Variants in TOX3 observed in about 807,000 individuals in gnomAD.
TOX3 encodes the protein TOX high mobility group box family member 3.
A neutral mutation model predicts 64.3 loss-of-function variants in TOX3; 22 were observed. That is an observed-to-expected ratio of 0.34 (90% CI 0.24 to 0.49). TOX3 has a LOEUF of 0.49. Among genes scored for constraint, TOX3 ranks in the 20% least tolerant of loss-of-function variants. The pLI, the probability that TOX3 is intolerant of heterozygous loss-of-function variation, is 0.99. For missense variants in TOX3, 661 were observed against 714.4 expected (o/e 0.93, Z 0.85); for synonymous variants, 291 against 273.6 (o/e 1.06, Z -0.63).
At chr16:52,503,608 T>C (rs1327658170) in intron 1 of TOX3, among the ~76,000 whole-genome samples, 2 of 152,166 alleles carry the variant, frequency 1.3e-5, no homozygotes, top group Non-Finnish European at 2.9e-5. Context: ...TTTTTAATGC[T>C]TTACAAAAAG....
intron 2 of TOX3, 99 bp downstream of exon 2, chr16:52,468,410 G>C: frequency 9.1e-7 from 1 of 1,099,336 alleles, no homozygotes; most frequent in Non-Finnish European, 1.3e-6. Context: ...TGCCACATAA[G>C]AGAGAGATAA....
intron 1 of TOX3, among the ~76,000 whole-genome samples, chr16:52,508,143 T>A (rs1017912385): frequency 2.0e-5 from 3 of 152,078 alleles, no homozygotes; most frequent in Non-Finnish European, 2.9e-5. Flanking sequence ...AATTGGAGAG[T>A]CAATTAAACA....
intron 1 of TOX3, chr16:52,519,436 T>C: frequency 6.4e-7 from 1 of 1,551,458 alleles, no homozygotes; most frequent in Non-Finnish European, 8.7e-7. Context: ...GGTAATGAAG[T>C]CTCTCCTCAA....
rs568502427 is a variant in TOX3 at position 52,453,384 on chromosome 16, A to AT, written c.409-2839dup. The stretch of plus-strand genomic sequence containing the variant: ...TTTTTAGTAGAGACGGGGTTTCACC[A>AT]TGTTGGTCAGGCTTGTCTCGAACTC... On this transcript the variant is annotated intron_variant, in intron 3 of 6. Transcript: ENST00000219746. Among the ~76,000 whole-genome samples the AT allele has an allele frequency of 9.0e-3, 1,376 of 152,108 alleles. 30 individuals carry two copies. Among genetic ancestry groups the AT allele is most frequent in the African/African-American group, 0.031 (1,303 of 41,486 alleles).
chr16:52,455,414 A>G (rs555541912), intron 3 of TOX3, among the ~76,000 whole-genome samples: 3 of 152,304 alleles, frequency 2.0e-5, no homozygotes, highest in Admixed American at 6.5e-5. Flanking sequence ...GTATACAGAC[A>G]TTAGCAAATG....
intron 1 of TOX3, among the ~76,000 whole-genome samples, chr16:52,513,635 C>T (rs1304759658): frequency 6.6e-6 from 1 of 152,096 alleles, no homozygotes; most frequent in Non-Finnish European, 1.5e-5. Flanking sequence ...GTGTTGCTCC[C>T]CCTTGAGATC....
chr16:52,524,629 G>A (rs770171897), intron 1 of TOX3, among the ~76,000 whole-genome samples: 4 of 152,032 alleles, frequency 2.6e-5, no homozygotes, highest in Non-Finnish European at 4.4e-5. Context: ...ACAAGAACAC[G>A]GCCACTCCTC....
At chr16:52,524,073 C>G in intron 1 of TOX3, among the ~76,000 whole-genome samples, 1 of 152,140 alleles carries the variant, frequency 6.6e-6, no homozygotes, top group East Asian at 1.9e-4. Flanking sequence ...TCTGCATTTA[C>G]TTAGTGACTG....
In TOX3 at chr16:52,455,787, A is replaced by G. The variant is rs572328617; in HGVS notation, c.409-5241T>C. ...GGTCTGAAGTGGGAGAGATCTTGAC[A>G]TGCTTGAGAAATGAAAAGGTGGACA... On this transcript the variant is annotated intron_variant, in intron 3 of 6. Transcript: ENST00000219746. 3.2e-4 allele frequency among the ~76,000 whole-genome samples: 48 copies of G among 152,314 alleles called. No homozygotes were observed. The South Asian group carries it at 8.7e-3, about 28-fold the overall frequency.
intron 1 of TOX3, among the ~76,000 whole-genome samples, chr16:52,485,144 T>C (rs979114206): frequency 4.6e-5 from 5 of 108,814 alleles, no homozygotes; most frequent in Admixed American, 1.8e-4. Context: ...TATGTGTGTA[T>C]ATGTGTGTGT....
chr16:52,439,600 T>C lies in TOX3; in HGVS notation c.1356A>G (p.Gln452=), dbSNP rs965617635. 2.5e-6 allele frequency: 4 copies of C among 1,598,998 alleles called. No individual in the cohort carries two copies. Among genetic ancestry groups the C allele is most frequent in the Non-Finnish European group, 3.4e-6 (4 of 1,169,120 alleles). Residue 452 remains glutamine (Q), a synonymous_variant, in exon 7 of 7, where the codon CAA becomes CAG. Coordinates refer to ENST00000219746, the MANE Select transcript of TOX3 (RefSeq NM_001080430.4). ...QMQLQQQQQQ[Q]QQQMQQMQQQ... ...GCTGCATCTGTTGCATCTGTTGTTGTTGCTGCTGCTGCTGCTGCTGCAATT... is the reference window on the plus strand; with the variant it reads ...GCTGCATCTGTTGCATCTGTTGTTGCTGCTGCTGCTGCTGCTGCTGCAATT...
intron 1 of TOX3, among the ~76,000 whole-genome samples, chr16:52,507,047 T>C (rs371579973): frequency 3.2e-4 from 48 of 152,306 alleles, no homozygotes; most frequent in African/African-American, 1.1e-3. Flanking sequence ...AGAGTTCACA[T>C]GTAATGTTAA....
chr16:52,479,457 C>T (rs1961308416), intron 1 of TOX3, among the ~76,000 whole-genome samples: 1 of 152,124 alleles, frequency 6.6e-6, no homozygotes, highest in Admixed American at 6.5e-5. Flanking sequence ...AAGATCAGAC[C>T]ATGACAGCTG....
In TOX3 at chr16:52,445,980, G is replaced by T; in HGVS notation, c.906+14C>A. On this transcript the variant is annotated intron_variant, in intron 5 of 6. Coordinates refer to ENST00000219746, the MANE Select transcript of TOX3 (RefSeq NM_001080430.4). ...GAGGTTTATTGATGGAGCCTTGATG[G>T]GTCTTTGTCTCACCTGCTTTTGTTC... is the stretch of plus-strand genomic sequence containing the variant. 1 of 1,606,730 alleles carries T rather than the reference G, an allele frequency of 6.2e-7. No homozygotes were observed. The highest frequency in any genetic ancestry group is 8.5e-7 in the Non-Finnish European group (1 of 1,174,104).
chr16:52,540,294 C>T (rs1963049090), intron 1 of TOX3, among the ~76,000 whole-genome samples: 1 of 148,876 alleles, frequency 6.7e-6, no homozygotes, highest in African/African-American at 2.5e-5. Context: ...GCCTGAGTAG[C>T]TGGGACCACA....
rs555417882 is a variant in TOX3, at chr16:52,440,521, C to T, written c.988-553G>A. 2.0e-5 allele frequency among the ~76,000 whole-genome samples: 3 copies of T among 152,234 alleles called. No individual in the cohort carries two copies. In the East Asian group the frequency reaches 5.8e-4, roughly 30 times the overall value. On this transcript the variant is annotated intron_variant, in intron 6 of 6. Coordinates refer to ENST00000219746, the MANE Select transcript of TOX3 (RefSeq NM_001080430.4). ...TGGTTGTTACACAGCACTATTGTGG[C>T]AAAAGATAACCGATACACATATTTA... is the stretch of plus-strand genomic sequence containing the variant.
At chr16:52,483,059 A>G (rs766415919) in intron 1 of TOX3, among the ~76,000 whole-genome samples, 1 of 152,194 alleles carries the variant, frequency 6.6e-6, no homozygotes, top group Non-Finnish European at 1.5e-5. Context: ...AGGGATGTCC[A>G]TCTGGCACTA....
chr16:52,507,622 T>C (rs567802948), intron 1 of TOX3, among the ~76,000 whole-genome samples: 1 of 152,256 alleles, frequency 6.6e-6, no homozygotes, highest in African/African-American at 2.4e-5. Context: ...AAGTCACAAA[T>C]AAGCAATATT....
chr16:52,444,215 T>G, intron 6 of TOX3, 61 bp downstream of exon 6: 1 of 1,329,626 alleles, frequency 7.5e-7, no homozygotes. Flanking sequence ...TTTTCAATGC[T>G]TGAGGGCTGT....
Sources: allele counts gnomAD v4.1 joint callset (sites outside exome capture counted in the v4.1 genomes callset), GRCh38; gene constraint gnomAD v4.1.1; transcripts MANE v1.5; gene names NCBI Gene and HGNC (gene_info 2026-07-23, HGNC 2026-07-21).